The following ABR variants were observed in gnomAD, a reference collection of about 807,000 sequenced individuals.
The protein encoded by ABR is active breakpoint cluster region-related protein.
ABR carries 35 observed loss-of-function variants against 107.2 expected under a neutral mutation model. The observed-to-expected ratio is 0.33, with a 90% CI of 0.25 to 0.43. ABR has a LOEUF of 0.43. Ranked by LOEUF, ABR falls within the 20% of genes least tolerant of loss-of-function variation. The pLI, the probability that ABR is intolerant of heterozygous loss-of-function variation, is 1.00. For missense variants in ABR, 815 were observed against 1,115.2 expected (o/e 0.73, Z 3.83); for synonymous variants, 498 against 462.0 (o/e 1.08, Z -1.00).
chr17:1,199,930 T>C (rs2042640787), intron 1 of ABR, among the ~76,000 whole-genome samples: 1 of 151,796 alleles, frequency 6.6e-6, no homozygotes, highest in African/African-American at 2.4e-5. Context: ...TTTTTCTTTT[T>C]TTTTTTATTA....
intron 1 of ABR, among the ~76,000 whole-genome samples, chr17:1,176,562 C>T (rs1037855374): frequency 2.6e-5 from 4 of 152,068 alleles, no homozygotes; most frequent in African/African-American, 9.7e-5. Flanking sequence ...GTGCCTAGCA[C>T]AGGCCGGGCG....
At chr17:1,042,121 G>A (rs545327609) in intron 16 of ABR, among the ~76,000 whole-genome samples, 15 of 152,320 alleles carry the variant, frequency 9.8e-5, no homozygotes, top group African/African-American at 3.4e-4. Context: ...TTTTCTCAAC[G>A]AAAGGCAAGA....
rs190487023 is a variant in ABR at position 1,101,941 on chromosome 17, G to C, written c.247-1206C>G. Reference sequence around the variant, plus strand: ...GTAGAGCCGGGATTTCACCGTGTTAGCCAGGATGGTCTCGATCTCCTGACC... The same window carrying C: ...GTAGAGCCGGGATTTCACCGTGTTACCCAGGATGGTCTCGATCTCCTGACC... On this transcript the variant is annotated intron_variant, in intron 2 of 22. Coordinates refer to ENST00000302538, the MANE Select transcript of ABR (RefSeq NM_021962.5). Among the ~76,000 whole-genome samples the C allele has an allele frequency of 9.3e-4, 141 of 152,156 alleles. 2 individuals are homozygous for C. In the East Asian group the frequency reaches 0.024, roughly 26 times the overall value.
chr17:1,020,311 G>T (rs1258865373), intron 16 of ABR, among the ~76,000 whole-genome samples: 1 of 152,218 alleles, frequency 6.6e-6, no homozygotes, highest in East Asian at 1.9e-4. Flanking sequence ...TCCAACTCCT[G>T]ACCTCAGGTG....
rs763427059 is a variant in ABR at position 1,078,880 on chromosome 17, C to T, written c.700+450G>A. 1.8e-4 allele frequency: 274 copies of T among 1,535,312 alleles called. 1 individual carries two copies. The highest frequency in any genetic ancestry group is 2.2e-4 in the Non-Finnish European group (257 of 1,146,738). On this transcript the variant is annotated intron_variant, in intron 6 of 22. Coordinates refer to ENST00000302538, the MANE Select transcript of ABR (RefSeq NM_021962.5). This position sits in a 1 kb window ranked among gnomAD's most constrained non-coding sequence, Gnocchi z 7.5. ...TCCATGGCAGCCTCTGTCCCCGCGG[C>T]GGGAGCGTGCAGCCATCGCTCCAGG...
chr17:1,109,098 G>C (rs773652556), intron 2 of ABR: 1 of 1,570,604 alleles, frequency 6.4e-7, no homozygotes. Flanking sequence ...GGGCAGACAG[G>C]AAGCGGGGTC....
At chr17:1,119,704 C>G (rs980567399) in intron 2 of ABR, among the ~76,000 whole-genome samples, 8 of 152,200 alleles carry the variant, frequency 5.3e-5, no homozygotes, top group Non-Finnish European at 1.5e-5. Flanking sequence ...ATGCACCCCA[C>G]AAGTGACCGT....
rs767566925 is a variant in ABR at position 1,073,653 on chromosome 17, C to G, written c.725G>C (p.Arg242Pro). 1 of 1,605,202 alleles carries G rather than the reference C, an allele frequency of 6.2e-7. No homozygotes were observed. Among genetic ancestry groups the G allele is most frequent in the African/African-American group, 1.3e-5 (1 of 74,684 alleles). The stretch of plus-strand genomic sequence containing the variant: ...TAGGACTAGGGTGCTCCGAGTGACC[C>G]GGTCAATGGGCTTGTAGAGCAGAGC... ...MEALLYKPID[R>P]VTRSTLVLHD... The change falls in exon 7 of 23, where the codon CGG (arginine) becomes CCG (proline). Residue 242 changes from arginine (R) to proline (P), a missense_variant. Coordinates refer to ENST00000302538, the MANE Select transcript of ABR (RefSeq NM_021962.5).
chr17:1,075,023 T>G (rs2035585638), intron 6 of ABR, among the ~76,000 whole-genome samples: 1 of 152,152 alleles, frequency 6.6e-6, no homozygotes, highest in Non-Finnish European at 1.5e-5. Flanking sequence ...CAACTCAGGT[T>G]AGGCCTCACA....
In ABR at chr17:1,013,169, A is replaced by G; in HGVS notation, c.1792-5T>C. The stretch of plus-strand genomic sequence containing the variant: ...CTCCACGGTTTGTGGGTCCAGCTGC[A>G]GAGAGAGAATGTGGGTGAGAGAGGT... On this transcript the variant is annotated splice_region_variant and splice_polypyrimidine_tract_variant and intron_variant, in intron 16 of 22. Transcript: ENST00000302538. 2 of 1,614,004 alleles carry G rather than the reference A, an allele frequency of 1.2e-6. No individual in the cohort carries two copies. Among genetic ancestry groups the G allele is most frequent in the Non-Finnish European group, 1.7e-6 (2 of 1,179,878 alleles).
rs1013783832 is a variant in ABR, at chr17:1,070,188, C to G, written c.895-98G>C. Reference sequence around the variant, plus strand: ...CACGGCCAGCCAGGGAGGACTGGACCGAGAGGCGGCATAGCCTGTCATCCC... The same window carrying G: ...CACGGCCAGCCAGGGAGGACTGGACGGAGAGGCGGCATAGCCTGTCATCCC... On this transcript the variant is annotated intron_variant, in intron 8 of 22. Transcript: ENST00000302538. This position sits in a 1 kb window ranked among gnomAD's most constrained non-coding sequence, Gnocchi z 4.2. 3.3e-5 allele frequency: 49 copies of G among 1,504,446 alleles called. No homozygotes were observed. The highest frequency in any genetic ancestry group is 3.8e-5 in the Non-Finnish European group (42 of 1,105,622). The allele number at this position is 1,504,446 out of a possible 1,614,324, so 93.2% of individuals were successfully genotyped here. A position where few individuals can be genotyped will look rare whatever the true frequency, so the allele number is the denominator to read the frequency against.
chr17:1,102,345 C>T lies in ABR; in HGVS notation c.247-1610G>A, dbSNP rs975763936. Among the ~76,000 whole-genome samples, 11 of 152,102 alleles carry T rather than the reference C, an allele frequency of 7.2e-5. 1 individual carries two copies. Among genetic ancestry groups the T allele is most frequent in the African/African-American group, 2.4e-4 (10 of 41,420 alleles). ...GTGGTGAGGGACTGCTTGGAAGATG[C>T]TACACTGGTAGGTTTGAAGACAGAG... On this transcript the variant is annotated intron_variant, in intron 2 of 22. Transcript: ENST00000302538.
At chr17:1,153,577 C>A (rs1187605212) in intron 1 of ABR, among the ~76,000 whole-genome samples, 2 of 102,552 alleles carry the variant, frequency 2.0e-5, no homozygotes, top group African/African-American at 6.4e-5. Context: ...GGCACACCTG[C>A]GGGAGGGCTG....
intron 2 of ABR, 101 bp downstream of exon 2, chr17:1,125,082 T>G: frequency 8.0e-7 from 1 of 1,249,006 alleles, no homozygotes; most frequent in Non-Finnish European, 1.1e-6. Flanking sequence ...ACGTCTCCAG[T>G]CCCAATCTCT....
upstream of ABR, among the ~76,000 whole-genome samples, chr17:1,191,799 T>A (rs73279480): frequency 0.057 from 8,640 of 152,186 alleles, 818 homozygotes; most frequent in African/African-American, 0.2. Flanking sequence ...CAGGCTGCCG[T>A]CAGGACTCTG....
chr17:1,012,328 G>A (rs2070666721), intron 18 of ABR: 1 of 640,030 alleles, frequency 1.6e-6, no homozygotes, highest in African/African-American at 1.8e-5. Flanking sequence ...GAGACAAGGG[G>A]CCAGGGTGGT....
rs561942200 is a variant in ABR, at chr17:1,148,317, C to T, written c.62-22950G>A. 2.6e-5 allele frequency among the ~76,000 whole-genome samples: 4 copies of T among 152,274 alleles called. No homozygotes were observed. Among genetic ancestry groups the T allele is most frequent in the South Asian group, 2.1e-4 (1 of 4,828 alleles). The stretch of plus-strand genomic sequence containing the variant: ...GATGAACCTTGGGGGCATTAGGCTA[C>T]GTGAAAGAAGCTGGTCACAGAAAGG... On this transcript the variant is annotated intron_variant, in intron 1 of 22. Transcript: ENST00000302538. The surrounding 1 kb of genome is among the most constrained non-coding windows in gnomAD (Gnocchi z 4.9).
At position 1,203,397 on chromosome 17, in the gene ABR, C is replaced by CTTGAGGG. The variant is rs1290544283; in HGVS notation, c.838+25395_838+25396insCCCTCAA. Among the ~76,000 whole-genome samples, 7 of 33,380 alleles carry CTTGAGGG rather than the reference C, an allele frequency of 2.1e-4. 1 individual carries two copies. The highest frequency in any genetic ancestry group is 6.3e-4 in the Admixed American group (3 of 4,794). The allele number at this position is 33,380 out of a possible 152,430, so 21.9% of individuals were successfully genotyped here. A position where few individuals can be genotyped will look rare whatever the true frequency, so the allele number is the denominator to read the frequency against. Reference sequence around the variant, plus strand: ...GGGCGGGGCCTTGAGGGGGCGGGGCCCGCGGGGGGCGGAGTCTGCGGGGGC... The same window carrying CTTGAGGG: ...GGGCGGGGCCTTGAGGGGGCGGGGCCTTGAGGGCGCGGGGGGCGGAGTCTGCGGGGGC... On this transcript the variant is annotated intron_variant, in intron 1 of 22. Transcript: ENST00000574139.
chr17:1,022,120 A>AAAAAAAACAAAAAC (rs56033950), intron 16 of ABR, among the ~76,000 whole-genome samples: 16 of 118,396 alleles, frequency 1.4e-4, no homozygotes, highest in Admixed American at 3.7e-4. Context: ...AAAAAAAAAA[A>AAAAAAAACAAAAAC]AAAAACAGAA....
Sources: gnomAD v4.1 joint callset for allele counts (sites outside exome capture counted in the v4.1 genomes callset) on GRCh38, gnomAD v4.1.1 for gene constraint, Gnocchi (gnomAD v3.1) non-coding constraint, MANE v1.5 for transcripts, NCBI Gene and HGNC (gene_info 2026-07-23, HGNC 2026-07-21) for gene names.